The following ZDHHC14 variants were observed in gnomAD, a reference collection of about 807,000 sequenced individuals.
The protein encoded by ZDHHC14 is palmitoyltransferase ZDHHC14.
A neutral mutation model predicts 47.7 loss-of-function variants in ZDHHC14; 16 were observed. That is an observed-to-expected ratio of 0.34 (90% CI 0.23 to 0.51). The LOEUF is 0.51. ZDHHC14 is among the 20% of genes least tolerant of loss of function. The pLI, the probability that ZDHHC14 is intolerant of heterozygous loss-of-function variation, is 0.97. For synonymous variants in ZDHHC14, 293 were observed against 278.9 expected, an observed-to-expected ratio of 1.05 and a Z score of -0.50; for missense variants, 515 against 662.5, an observed-to-expected ratio of 0.78 and a Z score of 2.44.
At chr6:157,567,928 G>A (rs992753799) in intron 2 of ZDHHC14, among the ~76,000 whole-genome samples, 12 of 152,282 alleles carry the variant, frequency 7.9e-5, no homozygotes, top group Middle Eastern at 3.4e-3. Context: ...CTGCCAGAAG[G>A]CCAAGAGCTG....
chr6:157,475,803 A>G (rs1157090823), intron 1 of ZDHHC14, among the ~76,000 whole-genome samples: 1 of 152,202 alleles, frequency 6.6e-6, no homozygotes, highest in Non-Finnish European at 1.5e-5. Flanking sequence ...AAATTCACAA[A>G]GATGTGAAAA....
chr6:157,645,976 G>T (rs1777534328), intron 6 of ZDHHC14, 137 bp downstream of exon 6: 1 of 690,728 alleles, frequency 1.4e-6, no homozygotes, highest in Non-Finnish European at 2.4e-6. Context: ...CAGAGACGGT[G>T]CCGTGGAAAC....
At chr6:157,404,675 G>A (rs565012292) in intron 1 of ZDHHC14, among the ~76,000 whole-genome samples, 11 of 152,296 alleles carry the variant, frequency 7.2e-5, no homozygotes, top group African/African-American at 1.7e-4. Flanking sequence ...CCTGGGGCAG[G>A]TGGCACTGTG....
intron 2 of ZDHHC14, among the ~76,000 whole-genome samples, chr6:157,550,572 C>T (rs985302255): frequency 4.6e-5 from 7 of 151,894 alleles, no homozygotes; most frequent in East Asian, 1.9e-4. Context: ...AGAGAGAACA[C>T]GGTGTCACAC....
At chr6:157,484,411 T>C (rs1307105760) in intron 1 of ZDHHC14, among the ~76,000 whole-genome samples, 1 of 144,974 alleles carries the variant, frequency 6.9e-6, no homozygotes, top group East Asian at 2.0e-4. Flanking sequence ...TATATATGTA[T>C]ACACATATAC....
intron 8 of ZDHHC14, among the ~76,000 whole-genome samples, chr6:157,658,678 G>T (rs1329972594): frequency 1.3e-5 from 2 of 152,134 alleles, no homozygotes; most frequent in Non-Finnish European, 1.5e-5. Flanking sequence ...CTTGGCCATG[G>T]TATATAATCC....
intron 1 of ZDHHC14, among the ~76,000 whole-genome samples, chr6:157,438,005 T>A (rs1229153609): frequency 6.6e-6 from 1 of 152,182 alleles, no homozygotes; most frequent in Non-Finnish European, 1.5e-5. Flanking sequence ...TACTGAACTA[T>A]CATGTTTTTT....
At chr6:157,478,278 C>T (rs1160993846) in intron 1 of ZDHHC14, among the ~76,000 whole-genome samples, 1 of 152,066 alleles carries the variant, frequency 6.6e-6, no homozygotes, top group Non-Finnish European at 1.5e-5. Context: ...TTTGATAAAA[C>T]CTTTGTAAGT....
At chr6:157,483,511 G>A (rs1779683207) in intron 1 of ZDHHC14, among the ~76,000 whole-genome samples, 1 of 152,166 alleles carries the variant, frequency 6.6e-6, no homozygotes, top group Non-Finnish European at 1.5e-5. Flanking sequence ...AAATCACAGT[G>A]GGAAAATGGC....
chr6:157,639,756 T>C (rs985217611), intron 5 of ZDHHC14, among the ~76,000 whole-genome samples: 28 of 150,314 alleles, frequency 1.9e-4, no homozygotes, highest in African/African-American at 6.1e-4. Flanking sequence ...GGCGGAGGAG[T>C]AGGAGCGTTC....
At chr6:157,564,536 G>A (rs917253895) in intron 2 of ZDHHC14, among the ~76,000 whole-genome samples, 3 of 152,204 alleles carry the variant, frequency 2.0e-5, no homozygotes, top group Non-Finnish European at 4.4e-5. Context: ...GATGTCTAGT[G>A]AGTTGTCAGA....
In ZDHHC14 at chr6:157,642,908, C is replaced by T. The variant is rs917401011; in HGVS notation, c.753-2829C>T. Among the ~76,000 whole-genome samples the T allele has an allele frequency of 2.9e-4, 44 of 152,212 alleles. 1 individual carries two copies. On this transcript the variant is annotated intron_variant, in intron 5 of 8. Coordinates refer to ENST00000359775, the MANE Select transcript of ZDHHC14 (RefSeq NM_024630.3). ...GTCAGCTGCCACAGGTTCGCGAATC[C>T]TGGAGAAGCAGGGGGTTGGGGTAGG...
intron 3 of ZDHHC14, among the ~76,000 whole-genome samples, chr6:157,598,184 A>G (rs573684098): frequency 6.6e-6 from 1 of 152,306 alleles, no homozygotes; most frequent in East Asian, 1.9e-4. Context: ...ACAGTTGTAC[A>G]TTAAGAGTTT....
chr6:157,391,397 CA>C (rs1777416529), intron 1 of ZDHHC14, among the ~76,000 whole-genome samples: 1 of 152,164 alleles, frequency 6.6e-6, no homozygotes, highest in African/African-American at 2.4e-5. Context: ...ATGACTTTCT[CA>C]GTTTTTAGAT....
rs183228886 is a variant in ZDHHC14, at chr6:157,660,103, C to T, written c.1068+6476C>T. ...TAGCCTCCTTTTACAAAGGATGAAA[C>T]TGAGACTTGGATATGTTGAGTAACT... On this transcript the variant is annotated intron_variant, in intron 8 of 8. Coordinates refer to ENST00000359775, the MANE Select transcript of ZDHHC14 (RefSeq NM_024630.3). 2.1e-3 allele frequency among the ~76,000 whole-genome samples: 322 copies of T among 152,180 alleles called. 2 individuals carry two copies. Among genetic ancestry groups the T allele is most frequent in the Middle Eastern group, 0.02 (6 of 294 alleles).
At chr6:157,517,376 G>T (rs111373124) in intron 1 of ZDHHC14, among the ~76,000 whole-genome samples, 1 of 150,738 alleles carries the variant, frequency 6.6e-6, no homozygotes, top group Non-Finnish European at 1.5e-5. Context: ...GTGCAGTGGC[G>T]CAGTCTCAAC....
chr6:157,624,176 G>A (rs1048342195), intron 3 of ZDHHC14, among the ~76,000 whole-genome samples: 1 of 152,136 alleles, frequency 6.6e-6, no homozygotes, highest in African/African-American at 2.4e-5. Context: ...CCTAATTCTT[G>A]CCAACTTTCT....
chr6:157,529,686 A>C (rs914505240), intron 1 of ZDHHC14, among the ~76,000 whole-genome samples: 1 of 152,216 alleles, frequency 6.6e-6, no homozygotes, highest in Non-Finnish European at 1.5e-5. Flanking sequence ...CTGTGTTCTT[A>C]ATTACATTTA....
chr6:157,602,908 G>A (rs955058028), intron 3 of ZDHHC14, among the ~76,000 whole-genome samples: 5 of 152,202 alleles, frequency 3.3e-5, no homozygotes, highest in Admixed American at 3.3e-4. Context: ...AACAGGTCCT[G>A]TAACTAAACT....
Sources: gnomAD v4.1 joint callset for allele counts (sites outside exome capture counted in the v4.1 genomes callset) on GRCh38, gnomAD v4.1.1 for gene constraint, MANE v1.5 for transcripts, NCBI Gene and HGNC (gene_info 2026-07-23, HGNC 2026-07-21) for gene names.